Variants in AOAH observed in about 807,000 individuals in gnomAD.
The protein encoded by AOAH is acyloxyacyl hydrolase (neutrophil).
Under a neutral mutation model 92.2 loss-of-function variants are expected in AOAH, and 64 were observed. That is an observed-to-expected ratio of 0.69 (90% confidence interval 0.57 to 0.86). AOAH has a LOEUF of 0.86. AOAH is among the 40% of genes least tolerant of loss of function. The pLI is 0.00. For synonymous variants in AOAH, 263 were observed against 254.5 expected, an observed-to-expected ratio of 1.03 and a Z score of -0.32; for missense variants, 656 against 694.6, an observed-to-expected ratio of 0.94 and a Z score of 0.62.
At chr7:36,603,844 A>T (rs184673515) in intron 11 of AOAH, among the ~76,000 whole-genome samples, 2 of 152,366 alleles carry the variant, frequency 1.3e-5, no homozygotes, top group Admixed American at 1.3e-4. Context: ...TATAAAATAC[A>T]TATAATAGCA....
intron 4 of AOAH, among the ~76,000 whole-genome samples, chr7:36,644,319 T>G (rs1396737095): frequency 6.6e-6 from 1 of 152,114 alleles, no homozygotes; most frequent in Non-Finnish European, 1.5e-5. Context: ...GAGATAGATG[T>G]TAAACGGTGT....
chr7:36,697,327 A>G (rs1429152531), intron 1 of AOAH, among the ~76,000 whole-genome samples: 1 of 152,126 alleles, frequency 6.6e-6, no homozygotes, highest in Non-Finnish European at 1.5e-5. Flanking sequence ...TATTATACTA[A>G]TTTGGTGCAT....
At chr7:36,616,816 T>C (rs1357787034) in intron 10 of AOAH, among the ~76,000 whole-genome samples, 1 of 152,228 alleles carries the variant, frequency 6.6e-6, no homozygotes, top group Non-Finnish European at 1.5e-5. Context: ...ATTGCTTTCT[T>C]GAAAACACAC....
At chr7:36,562,749 G>A (rs6978466) in intron 13 of AOAH, among the ~76,000 whole-genome samples, 8,192 of 152,084 alleles carry the variant, frequency 0.054, 260 homozygotes, top group East Asian at 0.15. Flanking sequence ...CCTGGACTCC[G>A]CAATTTGGTC....
chr7:36,592,549 G>C (rs1400128355), intron 12 of AOAH, among the ~76,000 whole-genome samples: 1 of 152,144 alleles, frequency 6.6e-6, no homozygotes. Flanking sequence ...CCCACACAAA[G>C]AATAAAAACA....
At chr7:36,721,022 A>T (rs1799598112) in intron 1 of AOAH, among the ~76,000 whole-genome samples, 1 of 151,998 alleles carries the variant, frequency 6.6e-6, no homozygotes, top group Non-Finnish European at 1.5e-5. Flanking sequence ...GAGAGAGCGG[A>T]CCTCACTGCT....
chr7:36,718,644 A>AT (rs1268570620), intron 1 of AOAH, among the ~76,000 whole-genome samples: 1 of 152,236 alleles, frequency 6.6e-6, no homozygotes, highest in Non-Finnish European at 1.5e-5. Flanking sequence ...GGGTTGATAC[A>AT]TGCCACAACA....
chr7:36,563,795 C>T (rs1211774009), intron 13 of AOAH, among the ~76,000 whole-genome samples: 2 of 152,066 alleles, frequency 1.3e-5, no homozygotes, highest in South Asian at 2.1e-4. Context: ...TTAAAAAAAT[C>T]CATCATGAGA....
At chr7:36,672,279 G>A (rs760658442) in intron 3 of AOAH, among the ~76,000 whole-genome samples, 3 of 152,214 alleles carry the variant, frequency 2.0e-5, no homozygotes, top group Non-Finnish European at 4.4e-5. Flanking sequence ...CTACCCTGTT[G>A]TAGAGGGGGG....
At chr7:36,518,502 G>C (rs1185832415) in intron 20 of AOAH, among the ~76,000 whole-genome samples, 1 of 152,188 alleles carries the variant, frequency 6.6e-6, no homozygotes, top group Admixed American at 6.5e-5. Context: ...CCTCAGTACG[G>C]GAGGATGGAG....
In AOAH at chr7:36,581,810, C is replaced by T. The variant is rs1042624724; in HGVS notation, c.939-5154G>A. Among the ~76,000 whole-genome samples, 5 of 152,248 alleles carry T rather than the reference C, an allele frequency of 3.3e-5. No homozygotes were observed. In the South Asian group the frequency reaches 1.0e-3, roughly 32 times the overall value. On this transcript the variant is annotated intron_variant, in intron 12 of 20. Coordinates refer to ENST00000617537, the MANE Select transcript of AOAH (RefSeq NM_001637.4). The stretch of plus-strand genomic sequence containing the variant: ...TAATAACATTTCTGACTAGAAATAG[C>T]ATCTAGAATTTTGGGATGAAAGCCT...
In AOAH at chr7:36,516,212, CAT is replaced by C. The variant is rs965620425; in HGVS notation, c.1600-2834_1600-2833del. Among the ~76,000 whole-genome samples, 50 of 150,136 alleles carry C rather than the reference CAT, an allele frequency of 3.3e-4. 1 individual carries two copies. The highest frequency in any genetic ancestry group is 7.0e-3 in the Middle Eastern group (2 of 284). On this transcript the variant is annotated intron_variant, in intron 20 of 20. Coordinates refer to ENST00000617537, the MANE Select transcript of AOAH (RefSeq NM_001637.4). This position sits in a 1 kb window ranked among gnomAD's most constrained non-coding sequence, Gnocchi z 5.0. ...TACATCTCTCTTATATACACACACACATCCTACACACACCCCACACACACCTC... is the reference window on the plus strand; with the variant it reads ...TACATCTCTCTTATATACACACACACCCTACACACACCCCACACACACCTC...
At chr7:36,680,485 C>T (rs1044141690) in intron 2 of AOAH, among the ~76,000 whole-genome samples, 10 of 152,322 alleles carry the variant, frequency 6.6e-5, no homozygotes, top group African/African-American at 2.4e-4. Context: ...TCATATCCTT[C>T]TGTCCCCCAT....
At chr7:36,545,871 A>G (rs975026994) in intron 15 of AOAH, among the ~76,000 whole-genome samples, 3 of 152,228 alleles carry the variant, frequency 2.0e-5, no homozygotes, top group African/African-American at 7.2e-5. Flanking sequence ...TTCTGAGGCC[A>G]TTCCCATTTC....
At chr7:36,545,049 T>C (rs566511097) in intron 15 of AOAH, among the ~76,000 whole-genome samples, 39 of 150,230 alleles carry the variant, frequency 2.6e-4, no homozygotes, top group African/African-American at 9.3e-4. Context: ...TGAAGAGAAA[T>C]CTTTTTTTTT....
chr7:36,632,245 C>G, intron 5 of AOAH, 139 bp from the exon 6 acceptor site: 1 of 689,866 alleles, frequency 1.4e-6, no homozygotes, highest in South Asian at 1.9e-5. Context: ...TCTAAATTTA[C>G]CTCTTGTTCC....
intron 4 of AOAH, among the ~76,000 whole-genome samples, chr7:36,651,124 G>A (rs1356916335): frequency 2.0e-5 from 3 of 152,194 alleles, no homozygotes; most frequent in Non-Finnish European, 4.4e-5. Flanking sequence ...CTCAGCCCTC[G>A]TCTGCTGGGG....
chr7:36,576,557 A>C lies in AOAH; in HGVS notation c.1021+17T>G, dbSNP rs1377643353. On this transcript the variant is annotated intron_variant, in intron 13 of 20. Coordinates refer to ENST00000617537, the MANE Select transcript of AOAH (RefSeq NM_001637.4). ...TTACAGGAACATTGATGAAGGCTTA[A>C]ATGGAAAGTTACGTACCATTTCTTG... is the stretch of plus-strand genomic sequence containing the variant. The C allele has an allele frequency of 4.1e-6, 6 of 1,466,024 alleles. No individual in the cohort carries two copies. The Admixed American group carries it at 1.2e-4, about 30-fold the overall frequency. 90.8% of individuals were successfully genotyped at this position (1,466,024 alleles called of 1,614,324 possible). A position where few individuals can be genotyped will look rare whatever the true frequency, so the allele number is the denominator to read the frequency against.
intron 2 of AOAH, among the ~76,000 whole-genome samples, chr7:36,684,532 A>G (rs1796842114): frequency 6.6e-6 from 1 of 152,116 alleles, no homozygotes; most frequent in Admixed American, 6.5e-5. Context: ...TCAATTAATA[A>G]ATAAGAAATA....
Sources: allele counts gnomAD v4.1 joint callset (sites outside exome capture counted in the v4.1 genomes callset), GRCh38; gene constraint gnomAD v4.1.1; non-coding constraint Gnocchi (gnomAD v3.1); transcripts MANE v1.5; gene names NCBI Gene and HGNC (gene_info 2026-07-23, HGNC 2026-07-21).